TRHR: variants seen among roughly 807,000 people sequenced by gnomAD.
TRHR encodes thyrotropin-releasing hormone receptor.
A neutral mutation model predicts 28.0 loss-of-function variants in TRHR; 14 were observed. The ratio of observed to expected loss-of-function variants is 0.50; its 90% CI spans 0.33 to 0.78. The LOEUF is 0.78. Ranked by LOEUF, TRHR falls within the 30% of genes least tolerant of loss-of-function variation. The pLI is 0.02. For missense variants in TRHR, 438 were observed against 469.5 expected (o/e 0.93, Z 0.62); for synonymous variants, 176 against 171.9 (o/e 1.02, Z -0.18).
intron 2 of TRHR, among the ~76,000 whole-genome samples, chr8:109,094,071 C>T (rs906390213): frequency 2.0e-5 from 3 of 152,112 alleles, no homozygotes; most frequent in African/African-American, 4.8e-5. Flanking sequence ...CAGCTGCCAG[C>T]TCCACCTACA....
At chr8:109,111,919 G>A (rs1483803378) in intron 2 of TRHR, among the ~76,000 whole-genome samples, 2 of 152,154 alleles carry the variant, frequency 1.3e-5, no homozygotes, top group Non-Finnish European at 2.9e-5. Context: ...CATTATAAAA[G>A]AGGTAGTCTT....
chr8:109,115,137 T>C (rs1391269068), intron 2 of TRHR, among the ~76,000 whole-genome samples: 1 of 152,084 alleles, frequency 6.6e-6, no homozygotes, highest in African/African-American at 2.4e-5. Flanking sequence ...ATATGCGGCG[T>C]TATTTCTGAG....
Position 109,120,899 on chromosome 8 carries a change from C to G in TRHR, c.*1444C>G, listed in dbSNP as rs148207490. On this transcript the variant is annotated 3_prime_UTR_variant, in exon 3 of 3. Transcript: ENST00000518632. ...AAAAGTACCCATACCTTTACATGCC[C>G]GTAGGCTGTCATTTTCCCTCTCCAG... 3.3e-3 allele frequency among the ~76,000 whole-genome samples: 507 copies of G among 151,586 alleles called. 2 individuals are homozygous for G. Among genetic ancestry groups the G allele is most frequent in the African/African-American group, 0.011 (476 of 41,434 alleles).
chr8:109,102,528 G>T (rs1811692738), intron 2 of TRHR, among the ~76,000 whole-genome samples: 12 of 152,132 alleles, frequency 7.9e-5, no homozygotes, highest in Admixed American at 7.9e-4. Flanking sequence ...AATTAAAGAA[G>T]AAATGAATGA....
In TRHR at chr8:109,087,551, G is replaced by C; in HGVS notation, c.39G>C (p.Gln13His). 3 of 1,614,220 alleles carry C rather than the reference G, an allele frequency of 1.9e-6. No individual in the cohort carries two copies. The highest frequency in any genetic ancestry group is 2.2e-5 in the South Asian group (2 of 91,086). The change falls in exon 2 of 3, where the codon CAG becomes CAC. Residue 13 changes from glutamine (Q) to histidine (H), a missense_variant. Coordinates refer to ENST00000518632, the MANE Select transcript of TRHR (RefSeq NM_003301.7). ...CAGTCAGTGAACTGAACCAAACACA[G>C]CTTCAGCCACGAGCAGTGGTGGCCT... is the stretch of plus-strand genomic sequence containing the variant. Reference protein sequence around the residue: ...NETVSELNQTQLQPRAVVALE... With the variant: ...NETVSELNQTHLQPRAVVALE...
At chr8:109,118,540 ACT>A (rs777115334) in intron 2 of TRHR, among the ~76,000 whole-genome samples, 3 of 151,532 alleles carry the variant, frequency 2.0e-5, no homozygotes, top group African/African-American at 7.3e-5. Flanking sequence ...CTCTTACAAG[ACT>A]CTGATTTCAG....
chr8:109,107,830 T>C (rs1811774347), intron 2 of TRHR, among the ~76,000 whole-genome samples: 1 of 152,232 alleles, frequency 6.6e-6, no homozygotes, highest in Non-Finnish European at 1.5e-5. Context: ...CTCATGCATA[T>C]ATTTTCACAC....
intron 2 of TRHR, among the ~76,000 whole-genome samples, chr8:109,095,596 G>A (rs12544197): frequency 0.51 from 76,763 of 151,772 alleles, 19,483 homozygotes; most frequent in Admixed American, 0.59. Flanking sequence ...TTTCTTCTAC[G>A]CCCATGCTTA....
intron 2 of TRHR, among the ~76,000 whole-genome samples, chr8:109,116,218 G>A (rs1412684199): frequency 6.6e-6 from 1 of 152,100 alleles, no homozygotes; most frequent in Non-Finnish European, 1.5e-5. Flanking sequence ...ATTTTATTGA[G>A]GACTTTTGCA....
intron 2 of TRHR, among the ~76,000 whole-genome samples, chr8:109,109,927 T>A (rs1274303756): frequency 6.6e-6 from 1 of 152,168 alleles, no homozygotes; most frequent in Admixed American, 6.5e-5. Context: ...TTGGTGATGC[T>A]AAGTTATTTT....
At chr8:109,118,096 T>G (rs546748523) in intron 2 of TRHR, among the ~76,000 whole-genome samples, 1 of 151,892 alleles carries the variant, frequency 6.6e-6, no homozygotes. Flanking sequence ...TCACTTCCCT[T>G]TAACCTGAAA....
intron 2 of TRHR, among the ~76,000 whole-genome samples, chr8:109,109,327 A>G (rs1286702223): frequency 2.6e-5 from 4 of 152,128 alleles, no homozygotes; most frequent in African/African-American, 9.6e-5. Flanking sequence ...TATCACTTTG[A>G]TATACCAATG....
intron 2 of TRHR, among the ~76,000 whole-genome samples, chr8:109,108,821 T>C (rs1424222353): frequency 1.3e-5 from 2 of 152,182 alleles, no homozygotes; most frequent in East Asian, 3.9e-4. Flanking sequence ...TCTTTCTCAG[T>C]GTGTTTCCAA....
intron 2 of TRHR, among the ~76,000 whole-genome samples, chr8:109,091,492 A>C (rs1811516585): frequency 6.6e-6 from 1 of 152,128 alleles, no homozygotes; most frequent in Non-Finnish European, 1.5e-5. Flanking sequence ...TTTTCTCTGC[A>C]TTTTTTTCTT....
At chr8:109,113,999 AAG>A (rs1389351277) in intron 2 of TRHR, among the ~76,000 whole-genome samples, 2 of 152,080 alleles carry the variant, frequency 1.3e-5, no homozygotes, top group African/African-American at 4.8e-5. Context: ...ACATTTATAA[AAG>A]ATAACTGCCT....
chr8:109,103,035 G>T (rs1246216598), intron 2 of TRHR, among the ~76,000 whole-genome samples: 1 of 152,126 alleles, frequency 6.6e-6, no homozygotes, highest in Admixed American at 6.6e-5. Context: ...TTAGAGGCCA[G>T]ACTGAATCAT....
chr8:109,106,647 T>C (rs1811756784), intron 2 of TRHR, among the ~76,000 whole-genome samples: 1 of 152,126 alleles, frequency 6.6e-6, no homozygotes, highest in Non-Finnish European at 1.5e-5. Flanking sequence ...GAGATAAAAA[T>C]ATGTAATACA....
chr8:109,087,907 A>T lies in TRHR; in HGVS notation c.395A>T (p.Lys132Ile). ...ERYIAICHPIKAQFLCTFSRA... is the reference protein window; with the variant it reads ...ERYIAICHPIIAQFLCTFSRA... ...TACATAGCAATCTGTCACCCCATCA[A>T]AGCCCAGTTTCTCTGCACATTTTCC... is the stretch of plus-strand genomic sequence containing the variant. The change falls in exon 2 of 3, where the codon AAA (lysine) becomes ATA (isoleucine). Residue 132 changes from lysine (K) to isoleucine (I), a missense_variant. Lys to Ile is a moderately radical substitution (Grantham distance 102). Transcript: ENST00000518632. 6.2e-7 allele frequency: 1 copy of T among 1,614,174 alleles called. No homozygotes were observed. The highest frequency in any genetic ancestry group is 1.3e-5 in the African/African-American group (1 of 75,034).
intron 2 of TRHR, among the ~76,000 whole-genome samples, chr8:109,101,088 T>C (rs1033729256): frequency 2.0e-5 from 3 of 152,144 alleles, no homozygotes; most frequent in Admixed American, 2.0e-4. Flanking sequence ...CAAAGAGTGT[T>C]GTAATCAGAG....
Sources: allele counts gnomAD v4.1 joint callset (sites outside exome capture counted in the v4.1 genomes callset), GRCh38; gene constraint gnomAD v4.1.1; transcripts MANE v1.5; gene names NCBI Gene and HGNC (gene_info 2026-07-23, HGNC 2026-07-21).